OR2L13: variants seen among roughly 807,000 people sequenced by gnomAD.
OR2L13 encodes the protein olfactory receptor family 2 subfamily L member 13.
In OR2L13, 14 loss-of-function variants were observed where a neutral mutation model predicts 15.3. That is an observed-to-expected ratio of 0.91 (90% CI 0.60 to 1.43). The LOEUF (loss-of-function observed/expected upper bound fraction) is 1.43. Among genes scored for constraint, OR2L13 ranks in the 40% most tolerant of loss-of-function variants. The pLI is 0.00. For synonymous variants in OR2L13, 152 were observed against 142.9 expected (o/e 1.06, Z -0.45); for missense variants, 367 against 387.9 (o/e 0.95, Z 0.45).
At chr1:247,994,355 C>T in the OR2L13 span, among the ~76,000 whole-genome samples, 4 of 152,236 alleles carry the variant, frequency 2.6e-5, no homozygotes, top group African/African-American at 7.2e-5. Context: ...TGATATCGCT[C>T]CACTGCACTC....
the OR2L13 span, among the ~76,000 whole-genome samples, chr1:247,953,396 A>C: frequency 6.6e-6 from 1 of 152,222 alleles, no homozygotes; most frequent in South Asian, 2.1e-4. Context: ...TGGATTTCAT[A>C]ACATAGACTC....
chr1:248,000,572 T>C, the OR2L13 span, among the ~76,000 whole-genome samples: 1 of 152,156 alleles, frequency 6.6e-6, no homozygotes, highest in African/African-American at 2.4e-5. Context: ...CATTTGAAAC[T>C]TTGGCAGCTT....
rs780036480 is a variant in OR2L13, at chr1:248,099,356, A to G, written c.-18-2A>G. On this transcript the variant is annotated splice_acceptor_variant, in intron 2 of 2. Transcript: ENST00000641714. LOFTEE classifies it low-confidence loss of function (5UTR_SPLICE). ...CTTTTGTTTCTATTTCTCTTTCAAC[A>G]GTTACAGCAGAAAGTTTTCATGGAG... 1 of 1,515,066 alleles carries G rather than the reference A, an allele frequency of 6.6e-7. No homozygotes were observed. The highest frequency in any genetic ancestry group is 9.1e-7 in the Non-Finnish European group (1 of 1,096,690). 93.9% of individuals were successfully genotyped at this position (1,515,066 alleles called of 1,614,324 possible). A position where few individuals can be genotyped will look rare whatever the true frequency, so the allele number is the denominator to read the frequency against.
chr1:248,072,840 G>A, the OR2L13 span, among the ~76,000 whole-genome samples: 1 of 151,454 alleles, frequency 6.6e-6, no homozygotes, highest in Non-Finnish European at 1.5e-5. Flanking sequence ...TTTCTCAAAA[G>A]AAGACGTTTA....
exon 3 of OR2L13, chr1:248,100,091 C>T: frequency 3.1e-6 from 5 of 1,614,024 alleles, no homozygotes; most frequent in Non-Finnish European, 4.2e-6. Context: ...GCCTTCACCA[C>T]CATTTCAACA....
At chr1:248,075,743 C>T in the OR2L13 span, among the ~76,000 whole-genome samples, 1 of 152,124 alleles carries the variant, frequency 6.6e-6, no homozygotes, top group South Asian at 2.1e-4. Context: ...TTTGTATATT[C>T]TGGATATTAG....
chr1:247,949,429 C>T, the OR2L13 span: 7 of 1,612,252 alleles, frequency 4.3e-6, no homozygotes, highest in African/African-American at 1.3e-5. Context: ...TGCATGGACA[C>T]CTGGGTCTAT....
At chr1:247,964,697 ATGC>A in the OR2L13 span, among the ~76,000 whole-genome samples, 2 of 151,832 alleles carry the variant, frequency 1.3e-5, no homozygotes, top group East Asian at 3.9e-4. Context: ...ATTTTGAGTA[ATGC>A]TGCTATGAAT....
chr1:247,975,716 C>A, the OR2L13 span: 1 of 588,096 alleles, frequency 1.7e-6, no homozygotes, highest in South Asian at 3.2e-5. Context: ...TAGCAGTGTA[C>A]AGCAGTTACG....
At chr1:247,955,145 G>A in the OR2L13 span, among the ~76,000 whole-genome samples, 1 of 145,790 alleles carries the variant, frequency 6.9e-6, no homozygotes, top group African/African-American at 2.6e-5. Flanking sequence ...TCCCCTTCCT[G>A]TGTCCATGTG....
the OR2L13 span, among the ~76,000 whole-genome samples, chr1:247,960,785 C>T: frequency 2.0e-5 from 3 of 152,134 alleles, no homozygotes; most frequent in South Asian, 2.1e-4. Flanking sequence ...TAAGACCATT[C>T]GAAAGTGCAG....
chr1:248,071,215 C>T, the OR2L13 span, among the ~76,000 whole-genome samples: 1 of 152,080 alleles, frequency 6.6e-6, no homozygotes. Context: ...AACATTGATG[C>T]AAAAATCCTC....
the OR2L13 span, among the ~76,000 whole-genome samples, chr1:247,976,629 C>A: frequency 4.1e-3 from 630 of 152,270 alleles, 4 homozygotes; most frequent in Admixed American, 7.9e-3. Flanking sequence ...TGTGGCACAT[C>A]TTTAATGAAA....
chr1:248,099,775 C>T (rs147060080), exon 3 of OR2L13: 50 of 1,613,976 alleles, frequency 3.1e-5, no homozygotes, highest in Admixed American at 1.3e-4. Context: ...TTATCCTATC[C>T]GCATGAGTAA....
the OR2L13 span, chr1:247,966,211 A>G: frequency 6.2e-7 from 1 of 1,613,654 alleles, no homozygotes; most frequent in Non-Finnish European, 8.5e-7. Context: ...AGTATTTTAC[A>G]CCATTGTCAC....
chr1:248,042,769 C>T, the OR2L13 span, among the ~76,000 whole-genome samples: 2 of 152,220 alleles, frequency 1.3e-5, no homozygotes, highest in South Asian at 2.1e-4. Flanking sequence ...TTAAAACTCT[C>T]TTTCTCATAT....
chr1:248,032,455 C>T, the OR2L13 span, among the ~76,000 whole-genome samples: 8 of 152,054 alleles, frequency 5.3e-5, no homozygotes, highest in Admixed American at 1.3e-4. Context: ...CAGTCATCTC[C>T]AGAATAGTTT....
chr1:248,067,745 A>G, the OR2L13 span, among the ~76,000 whole-genome samples: 3 of 152,244 alleles, frequency 2.0e-5, no homozygotes, highest in Non-Finnish European at 1.5e-5. Flanking sequence ...TCCTAGTCGA[A>G]GAAAGGGGTG....
the OR2L13 span, among the ~76,000 whole-genome samples, chr1:248,085,034 A>G: frequency 1.8e-4 from 27 of 152,224 alleles, no homozygotes; most frequent in Non-Finnish European, 3.7e-4. Context: ...TTATAGGACA[A>G]TAAAACAGGC....
Sources: gnomAD v4.1 joint callset for allele counts (sites outside exome capture counted in the v4.1 genomes callset) on GRCh38, gnomAD v4.1.1 for gene constraint, MANE v1.5 for transcripts, NCBI Gene and HGNC (gene_info 2026-07-23, HGNC 2026-07-21) for gene names.